FSCN1: variants seen among roughly 807,000 people sequenced by gnomAD.
FSCN1 encodes the protein fascin.
FSCN1 carries 10 observed loss-of-function variants against 39.7 expected under a neutral mutation model. The observed-to-expected ratio is 0.25, with a 90% CI of 0.16 to 0.43. The LOEUF (loss-of-function observed/expected upper bound fraction) is 0.43, where lower values mean the gene tolerates loss of function less well. FSCN1 is among the 20% of genes least tolerant of loss of function. FSCN1 has a pLI of 1.00. For synonymous variants in FSCN1, 322 were observed against 320.0 expected (o/e 1.01, Z -0.07); for missense variants, 525 against 723.8 (o/e 0.73, Z 3.15).
rs17764881 is a variant in FSCN1 at position 5,593,752 on chromosome 7, C to T, written c.816C>T (p.Asn272=). 1 of 1,581,954 alleles carries T rather than the reference C, an allele frequency of 6.3e-7. No individual in the cohort carries two copies. Among genetic ancestry groups the T allele is most frequent in the East Asian group, 2.3e-5 (1 of 43,922 alleles). Reference sequence around the variant, plus strand: ...TGCTGCAGGCGGCCAACGAGAGGAACGTGTCCACGCGCCAGGGTGAGTGGG... The same window carrying T: ...TGCTGCAGGCGGCCAACGAGAGGAATGTGTCCACGCGCCAGGGTGAGTGGG... ...QVVLQAANER[N]VSTRQGMDLS... Residue 272 remains asparagine, a synonymous_variant, in exon 1 of 5, where the codon AAC becomes AAT. Coordinates refer to ENST00000382361, the MANE Select transcript of FSCN1 (RefSeq NM_003088.4).
chr7:5,601,241 C>T (rs566454339), intron 1 of FSCN1, among the ~76,000 whole-genome samples: 5 of 123,530 alleles, frequency 4.0e-5, no homozygotes, highest in Non-Finnish European at 7.9e-5. Context: ...CTTGCTCTGT[C>T]GCCCAGGCTG....
Position 5,593,174 on chromosome 7 carries a change from T to G in FSCN1, c.238T>G (p.Cys80Gly). 1 of 1,602,812 alleles carries G rather than the reference T, an allele frequency of 6.2e-7. No homozygotes were observed. Among genetic ancestry groups the G allele is most frequent in the Non-Finnish European group, 8.5e-7 (1 of 1,175,948 alleles). ...LAADKDGNVT[C>G]EREVPGPDCR... ...GGCGGACAAGGACGGCAACGTGACCTGCGAGCGCGAGGTGCCCGGTCCCGA... is the reference window on the plus strand; with the variant it reads ...GGCGGACAAGGACGGCAACGTGACCGGCGAGCGCGAGGTGCCCGGTCCCGA... Residue 80 changes from cysteine to glycine, a missense_variant, in exon 1 of 5, where the codon TGC (cysteine) becomes GGC (glycine). Around this residue, in one of 3 missense-constraint regions of FSCN1, gnomAD observed 246 missense variants for 350.6 expected, o/e 0.70. Coordinates refer to ENST00000382361, the MANE Select transcript of FSCN1 (RefSeq NM_003088.4).
rs1198632250 is a variant in FSCN1 at position 5,603,325 on chromosome 7, G to A, written c.901G>A (p.Asp301Asn). 7.4e-6 allele frequency: 12 copies of A among 1,613,470 alleles called. No homozygotes were observed. The highest frequency in any genetic ancestry group is 3.3e-5 in the South Asian group (3 of 91,076). The change falls in exon 2 of 5, where the codon GAC becomes AAC. Residue 301 changes from aspartate to asparagine, a missense_variant. Asp to Asn is a conservative substitution (Grantham distance 23). Transcript: ENST00000382361. The surrounding 1 kb of genome is among the most constrained non-coding windows in gnomAD (Gnocchi z 8.5). ...QETFQLEIDRDTKKCAFRTHT... is the reference protein window; with the variant it reads ...QETFQLEIDRNTKKCAFRTHT... Reference sequence around the variant, plus strand: ...GACCTTCCAGCTGGAGATCGACCGCGACACCAAAAAGTGTGCCTTCCGTAC... The same window carrying A: ...GACCTTCCAGCTGGAGATCGACCGCAACACCAAAAAGTGTGCCTTCCGTAC...
rs1174092221 is a variant in FSCN1 at position 5,604,038 on chromosome 7, C to T, written c.1279+8C>T. 19 of 1,611,940 alleles carry T rather than the reference C, an allele frequency of 1.2e-5. No individual in the cohort carries two copies. The highest frequency in any genetic ancestry group is 1.5e-5 in the Non-Finnish European group (18 of 1,179,388). ...GCGCCTACAACATCAAAGGCAGGTT[C>T]TCCTGTGGGCAGCTGCTGGGCAGGG... On this transcript the variant is annotated splice_region_variant and intron_variant, in intron 4 of 4. Transcript: ENST00000382361.
At chr7:5,594,935 CCTT>C (rs1168593453) in intron 1 of FSCN1, 1 of 152,468 alleles carries the variant, frequency 6.6e-6, no homozygotes, top group East Asian at 1.9e-4. Context: ...CCACTCTTTC[CCTT>C]CTTTCTCAGA....
rs890591289 is a variant in FSCN1 at position 5,592,848 on chromosome 7, G to T, written c.-89G>T. 4 of 748,322 alleles carry T rather than the reference G, an allele frequency of 5.3e-6. No homozygotes were observed. Among genetic ancestry groups the T allele is most frequent in the Non-Finnish European group, 8.4e-6 (4 of 474,822 alleles). The allele number at this position is 748,322 out of a possible 1,614,324, so 46.4% of individuals were successfully genotyped here. On this transcript the variant is annotated 5_prime_UTR_variant, in exon 1 of 5. Transcript: ENST00000382361. The surrounding 1 kb of genome is among the most constrained non-coding windows in gnomAD (Gnocchi z 5.3). ...GCTGCGGAGGGTGCGTGCGGGCCGC[G>T]GCAGCCGAACAAAGGAGCAGGGGCG...
At position 5,599,245 on chromosome 7, in the gene FSCN1, G is replaced by A. The variant is rs1430845817; in HGVS notation, c.833-4012G>A. On this transcript the variant is annotated intron_variant, in intron 1 of 4. Coordinates refer to ENST00000382361, the MANE Select transcript of FSCN1 (RefSeq NM_003088.4). This position sits in a 1 kb window ranked among gnomAD's most constrained non-coding sequence, Gnocchi z 5.6. Reference sequence around the variant, plus strand: ...GGCAGAGGGTGGGCTACCGGCTTAAGGGGCCCCAGGGAACCTGGGGGGTGG... The same window carrying A: ...GGCAGAGGGTGGGCTACCGGCTTAAAGGGCCCCAGGGAACCTGGGGGGTGG... Among the ~76,000 whole-genome samples, 1 of 152,164 alleles carries A rather than the reference G, an allele frequency of 6.6e-6. No individual in the cohort carries two copies. The highest frequency in any genetic ancestry group is 2.4e-5 in the African/African-American group (1 of 41,450).
chr7:5,598,552 CTGG>C lies in FSCN1; in HGVS notation c.833-4703_833-4701del, dbSNP rs758123625. On this transcript the variant is annotated intron_variant, in intron 1 of 4. Coordinates refer to ENST00000382361, the MANE Select transcript of FSCN1 (RefSeq NM_003088.4). ...GCTTCCTGCATTTGTTCCAGGCGGG[CTGG>C]TAAGCGCCCTGCTTATTTGCAAGGC... Among the ~76,000 whole-genome samples, 49 of 152,218 alleles carry C rather than the reference CTGG, an allele frequency of 3.2e-4. 1 individual carries two copies. Among genetic ancestry groups the C allele is most frequent in the Non-Finnish European group, 3.1e-4 (21 of 68,028 alleles).
rs1394305501 is a variant in FSCN1 at position 5,602,203 on chromosome 7, G to GC, written c.833-1050dup. Among the ~76,000 whole-genome samples, 259 of 147,050 alleles carry GC rather than the reference G, an allele frequency of 1.8e-3. 1 individual carries two copies. Among genetic ancestry groups the GC allele is most frequent in the African/African-American group, 5.8e-3 (222 of 38,290 alleles). On this transcript the variant is annotated intron_variant, in intron 1 of 4. Transcript: ENST00000382361. ...TTACAGGTGTGAGCCACTGTGCCTGGCCCCTTTTTTTTTTTTTTAAGTAGG... is the reference window on the plus strand; with the variant it reads ...TTACAGGTGTGAGCCACTGTGCCTGGCCCCCTTTTTTTTTTTTTTAAGTAGG...
chr7:5,604,386 G>A (rs1785894333), intron 4 of FSCN1, among the ~76,000 whole-genome samples: 1 of 152,110 alleles, frequency 6.6e-6, no homozygotes, highest in African/African-American at 2.4e-5. Context: ...GGTGTGCAGG[G>A]GAGGACGCGC....
chr7:5,603,556 C>T lies in FSCN1; in HGVS notation c.1050C>T (p.Ser350=). 6.2e-7 allele frequency: 1 copy of T among 1,614,128 alleles called. No homozygotes were observed. The highest frequency in any genetic ancestry group is 8.5e-7 in the Non-Finnish European group (1 of 1,180,020). ...ACCGGCGCATCACACTGAGGGCGTC[C>T]AATGGCAAGTTTGTGACCTCCAAGA... The part of the protein sequence containing the change: ...WRDRRITLRA[S]NGKFVTSKKN... The change falls in exon 3 of 5, where the codon TCC becomes TCT. Residue 350 remains serine, a synonymous_variant. Coordinates refer to ENST00000382361, the MANE Select transcript of FSCN1 (RefSeq NM_003088.4). This position sits in a 1 kb window ranked among gnomAD's most constrained non-coding sequence, Gnocchi z 8.5.
chr7:5,602,301 G>T (rs1725182), intron 1 of FSCN1, among the ~76,000 whole-genome samples: 21,911 of 151,170 alleles, frequency 0.14, 1,594 homozygotes, highest in South Asian at 0.17. Context: ...CCTCCCAAAA[G>T]GCTGGGATTG....
At chr7:5,600,587 G>C (rs1213161028) in intron 1 of FSCN1, among the ~76,000 whole-genome samples, 1 of 150,992 alleles carries the variant, frequency 6.6e-6, no homozygotes, top group Non-Finnish European at 1.5e-5. Flanking sequence ...CGCCTCCTGG[G>C]TTCAAGCAAT....
Position 5,603,378 on chromosome 7 carries a change from G to A in FSCN1, c.954G>A (p.Thr318=), listed in dbSNP as rs760536657. Reference sequence around the variant, plus strand: ...ACACGGGCAAGTACTGGACGCTGACGGCCACCGGGGGCGTGCAGTCCACCG... The same window carrying A: ...ACACGGGCAAGTACTGGACGCTGACAGCCACCGGGGGCGTGCAGTCCACCG... ...RTHTGKYWTL[T]ATGGVQSTAS... The change falls in exon 2 of 5, where the codon ACG becomes ACA. Residue 318 remains threonine (T), a synonymous_variant. Coordinates refer to ENST00000382361, the MANE Select transcript of FSCN1 (RefSeq NM_003088.4). This position sits in a 1 kb window ranked among gnomAD's most constrained non-coding sequence, Gnocchi z 8.5. The A allele has an allele frequency of 2.1e-5, 34 of 1,613,590 alleles. No homozygotes were observed. Among genetic ancestry groups the A allele is most frequent in the Admixed American group, 5.0e-5 (3 of 60,018 alleles).
At position 5,603,859 on chromosome 7, in the gene FSCN1, ACAGGGGACT is replaced by A; in HGVS notation, c.1112_1120del (p.Gly371_Ser373del). ...GCTCACTGACTCCCCTCTTTCTGGG[ACAGGGGACT>A]CAGAGCTCTTCCTCATGAAGCTCAT... is the stretch of plus-strand genomic sequence containing the variant. On this transcript the variant is annotated splice_acceptor_variant and splice_polypyrimidine_tract_variant and coding_sequence_variant and intron_variant, in exon 4 of 5. Transcript: ENST00000382361. LOFTEE classifies it high-confidence loss of function. This position sits in a 1 kb window ranked among gnomAD's most constrained non-coding sequence, Gnocchi z 8.5. The A allele has an allele frequency of 6.2e-7, 1 of 1,612,126 alleles. No homozygotes were observed. Among genetic ancestry groups the A allele is most frequent in the Non-Finnish European group, 8.5e-7 (1 of 1,178,910 alleles).
At chr7:5,596,576 C>T (rs148624359) in intron 1 of FSCN1, among the ~76,000 whole-genome samples, 3 of 151,918 alleles carry the variant, frequency 2.0e-5, no homozygotes, top group Non-Finnish European at 4.4e-5. Flanking sequence ...CCATGCCTCA[C>T]CACACTTCCT....
Position 5,603,408 on chromosome 7 carries a change from C to T in FSCN1, c.984C>T (p.Ser328=), listed in dbSNP as rs1785870449. ...CCGGGGGCGTGCAGTCCACCGCCTCCAGCAAGTGAGTGCCTCGCTCCCACC... is the reference window on the plus strand; with the variant it reads ...CCGGGGGCGTGCAGTCCACCGCCTCTAGCAAGTGAGTGCCTCGCTCCCACC... ...TATGGVQSTA[S]SKNASCYFDI... The change falls in exon 2 of 5, where the codon TCC becomes TCT. Residue 328 remains serine, a synonymous_variant. Coordinates refer to ENST00000382361, the MANE Select transcript of FSCN1 (RefSeq NM_003088.4). The surrounding 1 kb of genome is among the most constrained non-coding windows in gnomAD (Gnocchi z 8.5). 6.2e-7 allele frequency: 1 copy of T among 1,613,682 alleles called. No homozygotes were observed. Among genetic ancestry groups the T allele is most frequent in the Non-Finnish European group, 8.5e-7 (1 of 1,180,020 alleles).
intron 1 of FSCN1, among the ~76,000 whole-genome samples, chr7:5,601,955 ATTTT>A (rs71701752): frequency 1.4e-5 from 2 of 144,850 alleles, no homozygotes; most frequent in Non-Finnish European, 3.0e-5. Context: ...TTAAAAAAAA[ATTTT>A]TTTTTTTTTT....
chr7:5,594,366 G>T (rs901631290), intron 1 of FSCN1, among the ~76,000 whole-genome samples: 1 of 151,978 alleles, frequency 6.6e-6, no homozygotes, highest in Non-Finnish European at 1.5e-5. Flanking sequence ...GCTGGTGGGG[G>T]GGGGCGCGGG....
Sources: gnomAD v4.1 joint callset for allele counts (sites outside exome capture counted in the v4.1 genomes callset) on GRCh38, gnomAD v4.1.1 for gene constraint, gnomAD v4.1.1 regional missense constraint, Gnocchi (gnomAD v3.1) non-coding constraint, MANE v1.5 for transcripts, NCBI Gene and HGNC (gene_info 2026-07-23, HGNC 2026-07-21) for gene names.